The following MYPN variants were observed in gnomAD, a reference collection of about 807,000 sequenced individuals.
The protein encoded by MYPN is sarcomeric protein myopalladin, 145 kDa (MYOP).
Under a neutral mutation model 129.4 loss-of-function variants are expected in MYPN, and 63 were observed. The ratio of observed to expected loss-of-function variants is 0.49; its 90% CI spans 0.40 to 0.60. The LOEUF is 0.60. Among genes scored for constraint, MYPN ranks in the 20% least tolerant of loss-of-function variants. MYPN has a pLI of 0.00. For missense variants in MYPN, 1,596 were observed against 1,635.4 expected, an observed-to-expected ratio of 0.98 and a Z score of 0.42; for synonymous variants, 629 against 600.9, an observed-to-expected ratio of 1.05 and a Z score of -0.68.
intron 1 of MYPN, among the ~76,000 whole-genome samples, chr10:68,110,673 TTAA>T (rs1297122660): frequency 1.3e-5 from 2 of 152,216 alleles, no homozygotes; most frequent in Non-Finnish European, 2.9e-5. Flanking sequence ...TAGTCTCTCC[TTAA>T]TAATAACAGC....
At chr10:68,166,799 C>T (rs1036175848) in intron 10 of MYPN, 133 bp downstream of exon 10, 34 of 1,266,294 alleles carry the variant, frequency 2.7e-5, no homozygotes, top group Non-Finnish European at 3.6e-5. Context: ...GAGGCTGAGG[C>T]AGGAGGATCG....
rs2043192248 is a variant in MYPN, at chr10:68,174,357, G to C, written c.2265G>C (p.Gln755His). The change falls in exon 11 of 20, where the codon CAG (glutamine) becomes CAC (histidine). Residue 755 changes from glutamine to histidine, a missense_variant. Coordinates refer to ENST00000358913, the MANE Select transcript of MYPN (RefSeq NM_032578.4). ...FTLSSTPQTI[Q>H]RTVSKESLLV... is the part of the protein sequence containing the mutation. The stretch of plus-strand genomic sequence containing the variant: ...TGAGCAGCACTCCTCAAACTATTCA[G>C]AGGACAGTGAGCAAAGAAAGCCTCT... 1 of 1,614,106 alleles carries C rather than the reference G, an allele frequency of 6.2e-7. No individual in the cohort carries two copies. The highest frequency in any genetic ancestry group is 8.5e-7 in the Non-Finnish European group (1 of 1,180,024).
chr10:68,117,957 C>G (rs980295407), intron 1 of MYPN, among the ~76,000 whole-genome samples: 1 of 151,856 alleles, frequency 6.6e-6, no homozygotes, highest in African/African-American at 2.4e-5. Context: ...CAAGTTTATA[C>G]GAGGATATTA....
intron 13 of MYPN, among the ~76,000 whole-genome samples, chr10:68,189,814 T>A (rs1281984641): frequency 2.0e-5 from 3 of 152,238 alleles, no homozygotes; most frequent in Non-Finnish European, 2.9e-5. Flanking sequence ...TCATGAATAG[T>A]GCTGCAGTAA....
intron 12 of MYPN, among the ~76,000 whole-genome samples, chr10:68,178,432 C>T (rs12251172): frequency 2.0e-5 from 3 of 152,016 alleles, no homozygotes; most frequent in Non-Finnish European, 2.9e-5. Flanking sequence ...TCCAGGATCA[C>T]GGCCGGGCAT....
In MYPN at chr10:68,143,036, A is replaced by G. The variant is rs1373110616; in HGVS notation, c.999A>G (p.Glu333=). 2.5e-6 allele frequency: 4 copies of G among 1,614,048 alleles called. No individual in the cohort carries two copies. The South Asian group carries it at 3.3e-5, about 13-fold the overall frequency. The change falls in exon 3 of 20, where the codon GAA becomes GAG. Residue 333 remains glutamate, a synonymous_variant. Transcript: ENST00000358913. ...LHSLTIAEAF[E]EDTGRYSCFA... ...CACTGACCATTGCGGAAGCCTTTGA[A>G]GAGGACACAGGACGCTATTCCTGCT...
At chr10:68,199,292 A>T (rs1340329309) in intron 16 of MYPN, 76 bp from the exon 17 acceptor site, 7 of 1,426,878 alleles carry the variant, frequency 4.9e-6, no homozygotes, top group Non-Finnish European at 6.9e-6. Flanking sequence ...GGTGCCAAGC[A>T]AGGATAAAGA....
chr10:68,193,267 TA>T (rs1177065078), intron 13 of MYPN, among the ~76,000 whole-genome samples: 13 of 151,358 alleles, frequency 8.6e-5, no homozygotes, highest in Middle Eastern at 3.4e-3. Context: ...TAATTTCACT[TA>T]AAAAAAAACC....
At chr10:68,113,355 T>C (rs1300873630) in intron 1 of MYPN, among the ~76,000 whole-genome samples, 3 of 152,204 alleles carry the variant, frequency 2.0e-5, no homozygotes, top group Non-Finnish European at 4.4e-5. Context: ...TCTTTGGTTT[T>C]TTCATGAATG....
upstream of MYPN, among the ~76,000 whole-genome samples, chr10:68,105,938 A>G (rs1313670697): frequency 6.6e-6 from 1 of 152,186 alleles, no homozygotes; most frequent in Non-Finnish European, 1.5e-5. Flanking sequence ...ATCCACCCCC[A>G]CCAGCCCTGC....
chr10:68,166,723 A>G, intron 10 of MYPN, 57 bp downstream of exon 10: 1 of 1,600,652 alleles, frequency 6.2e-7, no homozygotes, highest in Non-Finnish European at 8.5e-7. Flanking sequence ...CTTGAATCTG[A>G]TCTCCTTAAA....
intron 10 of MYPN, among the ~76,000 whole-genome samples, chr10:68,169,181 T>TAAAAAAAAAAAAAAAAAAAAAAA (rs59317396): frequency 1.1e-5 from 1 of 91,084 alleles, no homozygotes; most frequent in African/African-American, 6.7e-5. Context: ...CCGTCTCTAC[T>TAAAAAAAAAAAAAAAAAAAAAAA]AAAAAAAAAA....
chr10:68,111,801 C>T (rs912279478), intron 1 of MYPN, among the ~76,000 whole-genome samples: 4 of 152,206 alleles, frequency 2.6e-5, no homozygotes, highest in Non-Finnish European at 4.4e-5. Context: ...TCACAGTGCA[C>T]TCCACTCTCA....
chr10:68,160,952 C>A (rs1458388813), intron 7 of MYPN, among the ~76,000 whole-genome samples: 2 of 152,106 alleles, frequency 1.3e-5, no homozygotes, highest in African/African-American at 4.8e-5. Flanking sequence ...AAACTATGAT[C>A]TATCTTGAGG....
At position 68,166,410 on chromosome 10, in the gene MYPN, C is replaced by A. The variant is rs779895608; in HGVS notation, c.1717C>A (p.Pro573Thr). 9.3e-6 allele frequency: 15 copies of A among 1,613,940 alleles called. No individual in the cohort carries two copies. Among genetic ancestry groups the A allele is most frequent in the South Asian group, 1.1e-5 (1 of 91,064 alleles). Reference sequence around the variant, plus strand: ...CTCAGAGCCTCCATCTGTGGAACAACCCCCCAAACCCAAACTCGAGGGGGT... The same window carrying A: ...CTCAGAGCCTCCATCTGTGGAACAAACCCCCAAACCCAAACTCGAGGGGGT... ...PHSEPPSVEQ[P>T]PKPKLEGVLV... Residue 573 changes from proline (P) to threonine (T), a missense_variant, in exon 10 of 20, where the codon CCC becomes ACC. Transcript: ENST00000358913.
intron 1 of MYPN, among the ~76,000 whole-genome samples, chr10:68,118,758 C>T (rs2042194467): frequency 1.3e-5 from 2 of 151,854 alleles, no homozygotes; most frequent in African/African-American, 4.8e-5. Flanking sequence ...TGCTTGAATC[C>T]AGGAGTTTAA....
chr10:68,138,627 A>T (rs1022020209), intron 2 of MYPN, among the ~76,000 whole-genome samples: 2 of 152,196 alleles, frequency 1.3e-5, no homozygotes, highest in African/African-American at 4.8e-5. Flanking sequence ...CTTCACAGAA[A>T]GTGAACCACA....
In MYPN at chr10:68,210,772, T is replaced by A. The variant is rs747208896; in HGVS notation, c.*317T>A. 24 of 490,054 alleles carry A rather than the reference T, an allele frequency of 4.9e-5. No homozygotes were observed. Among genetic ancestry groups the A allele is most frequent in the South Asian group, 3.1e-4 (20 of 64,798 alleles). 30.4% of individuals were successfully genotyped at this position (490,054 alleles called of 1,614,324 possible). The stretch of plus-strand genomic sequence containing the variant: ...CCTGCTCCCTGTTGTGTTAGGGATG[T>A]TTAGGTCATACTAGGAGCAATTAGG... On this transcript the variant is annotated 3_prime_UTR_variant, in exon 20 of 20. Transcript: ENST00000358913.
rs1172497360 is a variant in MYPN at position 68,142,937 on chromosome 10, C to A, written c.903-3C>A. On this transcript the variant is annotated splice_polypyrimidine_tract_variant and splice_region_variant and intron_variant, in intron 2 of 19. Coordinates refer to ENST00000358913, the MANE Select transcript of MYPN (RefSeq NM_032578.4). ...TCCAATGACCATATCCTTTTCCCTG[C>A]AGGTGGTACTGTGAAGGCAAGGAGC... 16 of 1,613,856 alleles carry A rather than the reference C, an allele frequency of 9.9e-6. No individual in the cohort carries two copies. The East Asian group carries it at 2.0e-4, about 20-fold the overall frequency.
Sources: gnomAD v4.1 joint callset for allele counts (sites outside exome capture counted in the v4.1 genomes callset) on GRCh38, gnomAD v4.1.1 for gene constraint, MANE v1.5 for transcripts, NCBI Gene and HGNC (gene_info 2026-07-23, HGNC 2026-07-21) for gene names.